The following POLRMT variants were observed in gnomAD, a reference collection of about 807,000 sequenced individuals.
POLRMT encodes DNA-directed RNA polymerase, mitochondrial.
In POLRMT, 114 loss-of-function variants were observed where a neutral mutation model predicts 132.2. The observed-to-expected ratio is 0.86, with a 90% CI of 0.74 to 1.01. POLRMT has a LOEUF of 1.01. Among genes scored for constraint, POLRMT ranks in the 50% least tolerant of loss-of-function variants. The pLI is 0.00. For missense variants in POLRMT, 2,003 were observed against 1,729.1 expected, an observed-to-expected ratio of 1.16 and a Z score of -2.81; for synonymous variants, 1,020 against 773.4, an observed-to-expected ratio of 1.32 and a Z score of -5.29.
At position 622,956 on chromosome 19, in the gene POLRMT, T is replaced by C. The variant is rs567927221; in HGVS notation, c.1320A>G (p.Gln440=). The change falls in exon 7 of 21, where the codon CAA becomes CAG. Residue 440 remains glutamine (Q), a synonymous_variant. Coordinates refer to ENST00000588649, the MANE Select transcript of POLRMT (RefSeq NM_005035.4). The part of the protein sequence containing the change: ...ARKTLKTLRD[Q]WEKALCRALR... ...GCGCCCGGCACAGTGCTTTCTCCCA[T>C]TGGTCCCGCAGGGTCTTCAGGGTCT... 1.2e-5 allele frequency: 20 copies of C among 1,612,876 alleles called. No individual in the cohort carries two copies. The highest frequency in any genetic ancestry group is 4.0e-5 in the African/African-American group (3 of 75,032).
chr19:619,372 C>T, intron 13 of POLRMT, 76 bp from the exon 14 acceptor site: 2 of 1,513,068 alleles, frequency 1.3e-6, no homozygotes, highest in South Asian at 1.1e-5. Flanking sequence ...ATTTCAGAGC[C>T]ACTGAGGCCC....
intron 3 of POLRMT, among the ~76,000 whole-genome samples, chr19:627,337 T>C (rs1215045600): frequency 6.6e-6 from 1 of 151,362 alleles, no homozygotes; most frequent in African/African-American, 2.4e-5. Context: ...ATATTTTTAG[T>C]AGAGACGGGG....
chr19:629,581 G>T lies in POLRMT; in HGVS notation c.781C>A (p.Leu261Met). The part of the protein sequence containing the change: ...GQRQKRKLLT[L>M]DMYNAVMLGW... ...AGCATCACGGCGTTGTACATGTCCAGCGTGAGCAGCTTCCGCTTCTGCCGC... is the reference window on the plus strand; with the variant it reads ...AGCATCACGGCGTTGTACATGTCCATCGTGAGCAGCTTCCGCTTCTGCCGC... The change falls in exon 3 of 21, where the codon CTG becomes ATG. Residue 261 changes from leucine (L) to methionine (M), a missense_variant. Transcript: ENST00000588649. The T allele has an allele frequency of 6.3e-7, 1 of 1,588,758 alleles. No individual in the cohort carries two copies. Among genetic ancestry groups the T allele is most frequent in the East Asian group, 2.2e-5 (1 of 44,738 alleles).
chr19:620,466 C>T lies in POLRMT; in HGVS notation c.2662G>A (p.Ala888Thr), dbSNP rs1425882374. 6 of 1,597,766 alleles carry T rather than the reference C, an allele frequency of 3.8e-6. No homozygotes were observed. The highest frequency in any genetic ancestry group is 3.4e-5 in the South Asian group (3 of 89,078). Residue 888 changes from alanine (A) to threonine (T), a missense_variant, in exon 11 of 21, where the codon GCG becomes ACG. Ala to Thr is a moderately conservative substitution (Grantham distance 58). Transcript: ENST00000588649. Reference protein sequence around the residue: ...PLTGRKWWMGAEEPWQTLACC... With the variant: ...PLTGRKWWMGTEEPWQTLACC... ...GCCAGCGTCTGCCAGGGTTCCTCCG[C>T]GCCCATCCACCACTTTCGGCCCTGC...
At chr19:628,062 G>A (rs1208844533) in intron 3 of POLRMT, among the ~76,000 whole-genome samples, 1 of 152,190 alleles carries the variant, frequency 6.6e-6, no homozygotes, top group Admixed American at 6.5e-5. Flanking sequence ...CTGCTCGGGA[G>A]GCTGAGCTCG....
chr19:625,019 T>A, intron 4 of POLRMT, 105 bp downstream of exon 4: 1 of 1,515,176 alleles, frequency 6.6e-7, no homozygotes, highest in Non-Finnish European at 8.9e-7. Flanking sequence ...GGTGTGGCTG[T>A]CAGGCCCTCT....
chr19:617,304 C>T lies in POLRMT; in HGVS notation c.3663G>A (p.Gln1221=), dbSNP rs1984040807. ...TGAAGAAGTAGGTGGAACGCTTCAC[C>T]TGCTCCAGGTCGAAGGCCCCTGCGG... ...VPKPGAFDLE[Q]VKRSTYFFS The change falls in exon 21 of 21, where the codon CAG becomes CAA. Residue 1221 remains glutamine (Q), a synonymous_variant. Transcript: ENST00000588649. 6.2e-7 allele frequency: 1 copy of T among 1,612,936 alleles called. No homozygotes were observed. The highest frequency in any genetic ancestry group is 8.5e-7 in the Non-Finnish European group (1 of 1,179,890).
chr19:624,241 T>A (rs895269300), intron 5 of POLRMT, among the ~76,000 whole-genome samples: 1 of 152,134 alleles, frequency 6.6e-6, no homozygotes, highest in Non-Finnish European at 1.5e-5. Context: ...TGGTCCCATT[T>A]CTATGGAATG....
intron 16 of POLRMT, 40 bp downstream of exon 16, chr19:618,665 C>A (rs1395328932): frequency 1.9e-6 from 3 of 1,604,086 alleles, no homozygotes; most frequent in Non-Finnish European, 2.6e-6. Context: ...GGCTGCTCTC[C>A]AGACCCCCGG....
intron 2 of POLRMT, among the ~76,000 whole-genome samples, chr19:631,251 C>A (rs539058213): frequency 1.5e-3 from 231 of 150,296 alleles, no homozygotes; most frequent in Middle Eastern, 3.5e-3. Context: ...TCACCTAAGC[C>A]TAGGAGTTCC....
Position 623,568 on chromosome 19 carries a change from G to C in POLRMT, c.1176C>G (p.Pro392=), listed in dbSNP as rs780059740. ...CAAAGAGGCACTGCAGGGTCTTCAAGGGCAGGTGCAGCTTCGGGTAGGACA... is the reference window on the plus strand; with the variant it reads ...CAAAGAGGCACTGCAGGGTCTTCAACGGCAGGTGCAGCTTCGGGTAGGACA... ...GRVSYPKLHL[P]LKTLQCLFEK... Residue 392 remains proline (P), a synonymous_variant, in exon 6 of 21, where the codon CCC becomes CCG. Coordinates refer to ENST00000588649, the MANE Select transcript of POLRMT (RefSeq NM_005035.4). The C allele has an allele frequency of 4.3e-6, 7 of 1,613,728 alleles. No homozygotes were observed. The highest frequency in any genetic ancestry group is 1.1e-5 in the South Asian group (1 of 91,090).
chr19:630,672 G>A (rs552639725), intron 2 of POLRMT, among the ~76,000 whole-genome samples: 3 of 151,918 alleles, frequency 2.0e-5, no homozygotes, highest in Non-Finnish European at 2.9e-5. Context: ...TTCGCACCCC[G>A]CCTCAGCAAG....
chr19:618,278 C>T lies in POLRMT; in HGVS notation c.3422+210G>A, dbSNP rs546680305. 27 of 571,808 alleles carry T rather than the reference C, an allele frequency of 4.7e-5. No individual in the cohort carries two copies. The South Asian group carries it at 6.2e-4, about 13-fold the overall frequency. 35.4% of individuals were successfully genotyped at this position (571,808 alleles called of 1,614,324 possible). On this transcript the variant is annotated intron_variant, in intron 17 of 20. Coordinates refer to ENST00000588649, the MANE Select transcript of POLRMT (RefSeq NM_005035.4). ...GAAGGGGCAGCGCCCATGCTCGGCT[C>T]TCCCTGTCGGGCCACAGGAGGGGAG... is the stretch of plus-strand genomic sequence containing the variant.
chr19:633,436 G>A lies in POLRMT; in HGVS notation c.77C>T (p.Pro26Leu). 6.4e-7 allele frequency: 1 copy of A among 1,553,168 alleles called. No individual in the cohort carries two copies. Among genetic ancestry groups the A allele is most frequent in the African/African-American group, 1.4e-5 (1 of 70,390 alleles). ...ALRPCGRPGL[P>L]GKEGTAGGVC... ...TCCCTTTGTGTTACCTTCTTTGCCG[G>A]GGAGTCCCGGGCGGCCGCAAGGCCG... is the stretch of plus-strand genomic sequence containing the variant. The change falls in exon 1 of 21, where the codon CCC becomes CTC. Residue 26 changes from proline to leucine, a missense_variant. Pro to Leu is a moderately conservative substitution (Grantham distance 98). Transcript: ENST00000588649.
At chr19:624,099 GAACAGACGGGCAC>G (rs1325965114) in intron 5 of POLRMT, among the ~76,000 whole-genome samples, 1 of 152,224 alleles carries the variant, frequency 6.6e-6, no homozygotes, top group Non-Finnish European at 1.5e-5. Context: ...ATAAACGGAC[GAACAGACGGGCAC>G]GGCGCGGCCA....
intron 17 of POLRMT, 188 bp from the exon 18 acceptor site, chr19:618,037 G>A (rs533719840): frequency 4.0e-5 from 24 of 602,082 alleles, no homozygotes; most frequent in African/African-American, 1.1e-4. Context: ...ACAGGGGGAG[G>A]AAATGTTCCC....
intron 19 of POLRMT, 37 bp downstream of exon 19, chr19:617,528 TGGGGG>T (rs55716325): frequency 1.8e-4 from 207 of 1,136,392 alleles, no homozygotes; most frequent in Non-Finnish European, 2.5e-4. Context: ...GGTTTTGGGG[TGGGGG>T]GGGAATCCAG....
At chr19:624,107 G>A (rs983414770) in intron 5 of POLRMT, among the ~76,000 whole-genome samples, 2 of 152,230 alleles carry the variant, frequency 1.3e-5, no homozygotes, top group Non-Finnish European at 2.9e-5. Flanking sequence ...ACGAACAGAC[G>A]GGCACGGCGC....
Position 625,208 on chromosome 19 carries a change from G to T in POLRMT, c.869C>A (p.Ala290Asp). ...GGACAGCAGGTCCGGAGTCAAGCCG[G>T]CATCCTTCACCATGAATAACACATA... ...LVYVLFMVKDAGLTPDLLSYA... is the reference protein window; with the variant it reads ...LVYVLFMVKDDGLTPDLLSYA... Residue 290 changes from alanine (A) to aspartate (D), a missense_variant, in exon 4 of 21, where the codon GCC becomes GAC. By Grantham distance (126) the Ala-to-Asp change is moderately radical. Coordinates refer to ENST00000588649, the MANE Select transcript of POLRMT (RefSeq NM_005035.4). 1 of 1,614,076 alleles carries T rather than the reference G, an allele frequency of 6.2e-7. No homozygotes were observed. Among genetic ancestry groups the T allele is most frequent in the Non-Finnish European group, 8.5e-7 (1 of 1,179,996 alleles).
Sources: allele counts gnomAD v4.1 joint callset (sites outside exome capture counted in the v4.1 genomes callset), GRCh38; gene constraint gnomAD v4.1.1; transcripts MANE v1.5; gene names NCBI Gene and HGNC (gene_info 2026-07-23, HGNC 2026-07-21).